Variants in SDK1 observed in about 807,000 individuals in gnomAD.
SDK1 encodes the protein sidekick cell adhesion molecule 1.
A neutral mutation model predicts 245.5 loss-of-function variants in SDK1; 157 were observed. The ratio of observed to expected loss-of-function variants is 0.64; its 90% CI spans 0.56 to 0.73. The LOEUF is 0.73. Ranked by LOEUF, SDK1 falls within the 30% of genes least tolerant of loss-of-function variation. The pLI is 0.00. For synonymous variants in SDK1, 1,647 were observed against 1,278.5 expected (o/e 1.29, Z -6.15); for missense variants, 3,583 against 3,002.3 (o/e 1.19, Z -4.52).
intron 14 of SDK1, among the ~76,000 whole-genome samples, chr7:3,990,860 C>A (rs1038599984): frequency 6.6e-6 from 1 of 152,236 alleles, no homozygotes; most frequent in African/African-American, 2.4e-5. Flanking sequence ...GGCCAGCGCT[C>A]TTCTCAGCTG....
chr7:4,135,691 G>C (rs1077472), intron 28 of SDK1, among the ~76,000 whole-genome samples: 1 of 152,062 alleles, frequency 6.6e-6, no homozygotes, highest in Non-Finnish European at 1.5e-5. Context: ...ATCCCTCAAA[G>C]GGGAAGCACA....
intron 22 of SDK1, among the ~76,000 whole-genome samples, chr7:4,099,286 A>G (rs1178725240): frequency 1.3e-5 from 2 of 151,034 alleles, no homozygotes; most frequent in Non-Finnish European, 2.9e-5. Flanking sequence ...ATGGCATTGG[A>G]AAGACAGTTT....
At chr7:4,259,905 C>G in intron 44 of SDK1, among the ~76,000 whole-genome samples, 1 of 152,188 alleles carries the variant, frequency 6.6e-6, no homozygotes, top group Non-Finnish European at 1.5e-5. Context: ...CCCAGCCTCT[C>G]TCGCTGAGCC....
intron 1 of SDK1, among the ~76,000 whole-genome samples, chr7:3,414,787 C>A (rs569791710): frequency 1.3e-5 from 2 of 152,164 alleles, no homozygotes; most frequent in East Asian, 1.9e-4. Flanking sequence ...AATCTACTTG[C>A]TGTATTCTGG....
intron 1 of SDK1, among the ~76,000 whole-genome samples, chr7:3,331,381 C>T (rs1309976954): frequency 6.6e-6 from 1 of 152,208 alleles, no homozygotes; most frequent in Non-Finnish European, 1.5e-5. Context: ...TTTACTTGTA[C>T]TTCCTCAATG....
chr7:3,869,722 T>G (rs2115131659), intron 5 of SDK1, among the ~76,000 whole-genome samples: 1 of 152,336 alleles, frequency 6.6e-6, no homozygotes, highest in African/African-American at 2.4e-5. Flanking sequence ...TCACCTGACA[T>G]TGAGAGACAC....
rs1250952972 is a variant in SDK1, at chr7:4,155,406, A to G, written c.4626-3042A>G. Among the ~76,000 whole-genome samples the G allele has an allele frequency of 3.9e-5, 6 of 152,296 alleles. No homozygotes were observed. In the East Asian group the frequency reaches 1.2e-3, roughly 29 times the overall value. On this transcript the variant is annotated intron_variant, in intron 30 of 44. Coordinates refer to ENST00000404826, the MANE Select transcript of SDK1 (RefSeq NM_152744.4). ...AGGCTGATTTGTCCAGCCACCTGAC[A>G]CGCACTTATGGCACACCACGTGTGC...
intron 22 of SDK1, among the ~76,000 whole-genome samples, chr7:4,088,895 G>A (rs1024203679): frequency 3.3e-5 from 5 of 152,184 alleles, no homozygotes; most frequent in African/African-American, 1.2e-4. Flanking sequence ...GAGGACTCTC[G>A]TGGGCATCTG....
chr7:3,898,247 G>A (rs1781670300), intron 5 of SDK1, among the ~76,000 whole-genome samples: 1 of 152,186 alleles, frequency 6.6e-6, no homozygotes, highest in Non-Finnish European at 1.5e-5. Flanking sequence ...AGGGCCGACA[G>A]TTGACCTGAA....
intron 27 of SDK1, 29 bp from the exon 28 acceptor site, chr7:4,132,296 A>G (rs1784883824): frequency 6.4e-7 from 1 of 1,567,762 alleles, no homozygotes; most frequent in East Asian, 2.3e-5. Context: ...CTGTCTTGAG[A>G]TCTGAATCCC....
At chr7:4,139,599 A>G (rs1180892735) in intron 28 of SDK1, among the ~76,000 whole-genome samples, 1,817 of 53,422 alleles carry the variant, frequency 0.034, 513 homozygotes, top group African/African-American at 0.11. Context: ...GTGTATATGT[A>G]TATATGTGTG....
intron 4 of SDK1, among the ~76,000 whole-genome samples, chr7:3,746,316 G>T (rs1367614906): frequency 1.3e-5 from 2 of 152,152 alleles, no homozygotes; most frequent in East Asian, 1.9e-4. Flanking sequence ...ATGGTACAGG[G>T]TCTTACCTCA....
At chr7:4,075,799 C>A (rs1007288820) in intron 20 of SDK1, among the ~76,000 whole-genome samples, 1 of 151,948 alleles carries the variant, frequency 6.6e-6, no homozygotes, top group Non-Finnish European at 1.5e-5. Flanking sequence ...GGATTACAGG[C>A]GCCCACCACC....
chr7:4,195,503 C>T (rs1443337811), intron 35 of SDK1, among the ~76,000 whole-genome samples: 4 of 152,178 alleles, frequency 2.6e-5, no homozygotes, highest in South Asian at 2.1e-4. Flanking sequence ...AGTCCCCTCC[C>T]GCCTGGGAGT....
intron 4 of SDK1, among the ~76,000 whole-genome samples, chr7:3,760,777 A>T (rs1238398654): frequency 1.3e-5 from 2 of 152,318 alleles, no homozygotes; most frequent in African/African-American, 2.4e-5. Context: ...CTTTCTCAGT[A>T]GGCAATATCA....
chr7:3,609,193 A>G (rs1562599264), intron 1 of SDK1, among the ~76,000 whole-genome samples: 1 of 152,240 alleles, frequency 6.6e-6, no homozygotes, highest in Non-Finnish European at 1.5e-5. Context: ...TATGATAAAT[A>G]CAGAAAGAAA....
chr7:3,796,871 A>G (rs1778973266), intron 4 of SDK1, among the ~76,000 whole-genome samples: 1 of 152,202 alleles, frequency 6.6e-6, no homozygotes, highest in African/African-American at 2.4e-5. Flanking sequence ...CAAGTATATT[A>G]CATAAATTTT....
chr7:3,735,458 A>C (rs1433577481), intron 4 of SDK1, among the ~76,000 whole-genome samples: 1 of 152,160 alleles, frequency 6.6e-6, no homozygotes, highest in Non-Finnish European at 1.5e-5. Flanking sequence ...ACTTGGTATA[A>C]TGTCTCCAAG....
chr7:3,493,069 G>C (rs906183454), intron 1 of SDK1, among the ~76,000 whole-genome samples: 1 of 152,114 alleles, frequency 6.6e-6, no homozygotes, highest in Non-Finnish European at 1.5e-5. Context: ...TCCTGCCTCA[G>C]CCTCCCCAGT....
Sources: allele counts gnomAD v4.1 joint callset (sites outside exome capture counted in the v4.1 genomes callset), GRCh38; gene constraint gnomAD v4.1.1; transcripts MANE v1.5; gene names NCBI Gene and HGNC (gene_info 2026-07-23, HGNC 2026-07-21).